SLC22A3: variants seen among roughly 807,000 people sequenced by gnomAD.
SLC22A3 encodes the protein solute carrier family 22 member 3.
In SLC22A3, 51 loss-of-function variants were observed where a neutral mutation model predicts 59.1. The observed-to-expected ratio is 0.86, with a 90% CI of 0.69 to 1.09. The LOEUF (loss-of-function observed/expected upper bound fraction) is 1.09. Among genes scored for constraint, SLC22A3 ranks in the 50% least tolerant of loss-of-function variants. SLC22A3 has a pLI of 0.00. For missense variants in SLC22A3, 711 were observed against 726.3 expected (o/e 0.98, Z 0.24); for synonymous variants, 325 against 292.0 (o/e 1.11, Z -1.15).
chr6:160,438,206 C>T (rs1472426720), intron 7 of SLC22A3, among the ~76,000 whole-genome samples: 6 of 152,050 alleles, frequency 3.9e-5, no homozygotes, highest in African/African-American at 1.4e-4. Context: ...CAGAGGGTGC[C>T]GTGACTCCTG....
rs577842811 is a variant in SLC22A3 at position 160,444,708 on chromosome 6, C to T, written c.1510+966C>T. On this transcript the variant is annotated intron_variant, in intron 9 of 10. Transcript: ENST00000275300. ...TGCAGTAAAGGATACGGGTTGGCCC[C>T]TTTCTCACGCAACCGTTTCTCTATC... Among the ~76,000 whole-genome samples the T allele has an allele frequency of 1.2e-4, 19 of 152,346 alleles. No homozygotes were observed. In the South Asian group the frequency reaches 2.7e-3, roughly 22 times the overall value.
chr6:160,437,802 G>A (rs890682370), intron 7 of SLC22A3, among the ~76,000 whole-genome samples: 8 of 152,200 alleles, frequency 5.3e-5, no homozygotes, highest in South Asian at 4.1e-4. Flanking sequence ...CTAAACATGC[G>A]TGAAGACTCA....
intron 1 of SLC22A3, among the ~76,000 whole-genome samples, chr6:160,396,655 A>G (rs1786483719): frequency 6.6e-6 from 1 of 152,222 alleles, no homozygotes; most frequent in Non-Finnish European, 1.5e-5. Context: ...TGACCTAACT[A>G]GAAAAACTTA....
intron 4 of SLC22A3, 67 bp downstream of exon 4, chr6:160,408,988 G>GA: frequency 8.5e-7 from 1 of 1,174,614 alleles, no homozygotes; most frequent in South Asian, 1.4e-5. Context: ...AAACAGACAT[G>GA]AAAATGAAAG....
chr6:160,380,413 T>A (rs1336049450), intron 1 of SLC22A3, among the ~76,000 whole-genome samples: 1 of 152,008 alleles, frequency 6.6e-6, no homozygotes, highest in Non-Finnish European at 1.5e-5. Flanking sequence ...AAAAGATTGG[T>A]TTGAGAATTA....
chr6:160,408,884 A>G lies in SLC22A3; in HGVS notation c.820A>G (p.Ile274Val). 1 of 1,613,820 alleles carries G rather than the reference A, an allele frequency of 6.2e-7. No homozygotes were observed. The stretch of plus-strand genomic sequence containing the variant: ...CAACTGGCAAGGAATCCAGTTAGCC[A>G]TCACGCTGCCCAGCTTTCTCTTCCT... ...IPNWQGIQLA[I>V]TLPSFLFLLY... The change falls in exon 4 of 11, where the codon ATC (isoleucine) becomes GTC (valine). Residue 274 changes from isoleucine to valine, a missense_variant. Transcript: ENST00000275300.
intron 1 of SLC22A3, among the ~76,000 whole-genome samples, chr6:160,390,920 A>C (rs558811094): frequency 1.6e-4 from 25 of 152,178 alleles, no homozygotes; most frequent in African/African-American, 5.5e-4. Flanking sequence ...GGTCTGTTCC[A>C]TGCCCCTCTC....
At chr6:160,421,625 C>T (rs1277544179) in intron 5 of SLC22A3, among the ~76,000 whole-genome samples, 3 of 152,194 alleles carry the variant, frequency 2.0e-5, no homozygotes, top group Non-Finnish European at 4.4e-5. Context: ...AAGTAAAACA[C>T]AAGGCAAAAC....
At chr6:160,439,813 A>T (rs944602557) in intron 7 of SLC22A3, among the ~76,000 whole-genome samples, 1 of 152,228 alleles carries the variant, frequency 6.6e-6, no homozygotes, top group African/African-American at 2.4e-5. Context: ...ATACATTTCA[A>T]ATCCCTAAAC....
At chr6:160,443,878 A>C (rs1233278858) in intron 9 of SLC22A3, 136 bp downstream of exon 9, 6 of 448,812 alleles carry the variant, frequency 1.3e-5, no homozygotes, top group African/African-American at 8.0e-5. Context: ...ATTGATAATT[A>C]TGATATTAAT....
Position 160,452,154 on chromosome 6 carries a change from C to T in SLC22A3, c.*1098C>T, listed in dbSNP as rs1365545506. ...TTATCGAGGCTTTTGAAATGTGGAA[C>T]TTGTGTGTTCTGCTTTATATGTTAT... On this transcript the variant is annotated 3_prime_UTR_variant, in exon 11 of 11. Transcript: ENST00000275300. 2 of 152,132 alleles carry T rather than the reference C, an allele frequency of 1.3e-5. No individual in the cohort carries two copies. Among genetic ancestry groups the T allele is most frequent in the Non-Finnish European group, 2.9e-5 (2 of 68,016 alleles). The allele number at this position is 152,132 out of a possible 1,614,324, so 9.4% of individuals were successfully genotyped here.
intron 1 of SLC22A3, among the ~76,000 whole-genome samples, chr6:160,366,932 G>C (rs1785225568): frequency 6.6e-6 from 1 of 152,134 alleles, no homozygotes; most frequent in African/African-American, 2.4e-5. Context: ...TCTCTAGGAA[G>C]TTCCAAACTT....
At chr6:160,355,436 G>A (rs1784798282) in intron 1 of SLC22A3, among the ~76,000 whole-genome samples, 1 of 152,148 alleles carries the variant, frequency 6.6e-6, no homozygotes, top group Non-Finnish European at 1.5e-5. Context: ...GGGCTCTTGT[G>A]TGCGCTGTTT....
chr6:160,385,680 A>T (rs911222868), intron 1 of SLC22A3, among the ~76,000 whole-genome samples: 1 of 152,184 alleles, frequency 6.6e-6, no homozygotes, highest in Non-Finnish European at 1.5e-5. Flanking sequence ...TCTGCCTTCC[A>T]GCCGACGCAG....
intron 10 of SLC22A3, among the ~76,000 whole-genome samples, chr6:160,449,320 G>C (rs1788864033): frequency 6.6e-6 from 1 of 151,844 alleles, no homozygotes. Context: ...AAACATGAAG[G>C]ATTATACCAG....
intron 1 of SLC22A3, among the ~76,000 whole-genome samples, chr6:160,378,489 A>G (rs2114789629): frequency 6.6e-6 from 1 of 152,328 alleles, no homozygotes; most frequent in Non-Finnish European, 1.5e-5. Context: ...AAGTGGAGAA[A>G]AAGGGCTACC....
chr6:160,412,985 A>G (rs2114865120), intron 5 of SLC22A3, among the ~76,000 whole-genome samples: 1 of 152,290 alleles, frequency 6.6e-6, no homozygotes, highest in South Asian at 2.1e-4. Flanking sequence ...AGTGTTCTAG[A>G]AAAATAGGCA....
chr6:160,442,909 T>C (rs972896661), intron 8 of SLC22A3, 40 bp downstream of exon 8: 1 of 1,463,152 alleles, frequency 6.8e-7, no homozygotes, highest in South Asian at 1.1e-5. Flanking sequence ...TAAGTAACTC[T>C]GTAGACCAGC....
At chr6:160,419,215 C>A (rs570136413) in intron 5 of SLC22A3, among the ~76,000 whole-genome samples, 2 of 152,256 alleles carry the variant, frequency 1.3e-5, no homozygotes, top group African/African-American at 4.8e-5. Context: ...ACCTTAATAG[C>A]TACCGTCTTT....
Sources: allele counts gnomAD v4.1 joint callset (sites outside exome capture counted in the v4.1 genomes callset), GRCh38; gene constraint gnomAD v4.1.1; transcripts MANE v1.5; gene names NCBI Gene and HGNC (gene_info 2026-07-23, HGNC 2026-07-21).